TSPAN5: variants seen among roughly 807,000 people sequenced by gnomAD.
TSPAN5 encodes tetraspanin-5.
A neutral mutation model predicts 37.1 loss-of-function variants in TSPAN5; 10 were observed. The ratio of observed to expected loss-of-function variants is 0.27; its 90% CI spans 0.17 to 0.46. TSPAN5 has a LOEUF of 0.46. Ranked by LOEUF, TSPAN5 falls within the 20% of genes least tolerant of loss-of-function variation. The probability of loss-of-function intolerance (pLI) is 1.00; values close to 1 mark genes in which losing one functional copy is unlikely to be tolerated. For synonymous variants in TSPAN5, 110 were observed against 118.9 expected, an observed-to-expected ratio of 0.93 and a Z score of 0.48; for missense variants, 195 against 326.6, an observed-to-expected ratio of 0.60 and a Z score of 3.11.
intron 1 of TSPAN5, among the ~76,000 whole-genome samples, chr4:98,573,543 C>T (rs1755171697): frequency 6.6e-6 from 1 of 152,172 alleles, no homozygotes; most frequent in African/African-American, 2.4e-5. Flanking sequence ...AGCCGAAATA[C>T]CAACTTTTAA....
intron 7 of TSPAN5, among the ~76,000 whole-genome samples, chr4:98,473,452 ATT>A (rs35624650): frequency 6.0e-5 from 8 of 134,234 alleles, no homozygotes; most frequent in East Asian, 2.1e-4. Context: ...CTTATTAGCC[ATT>A]TTTTTTTTTT....
At chr4:98,503,595 G>A (rs1186703426) in intron 2 of TSPAN5, among the ~76,000 whole-genome samples, 4 of 152,300 alleles carry the variant, frequency 2.6e-5, no homozygotes, top group South Asian at 4.1e-4. Flanking sequence ...CCAACAGGAA[G>A]GGCAACCTAA....
intron 1 of TSPAN5, among the ~76,000 whole-genome samples, chr4:98,573,496 A>G (rs1418713253): frequency 6.6e-6 from 1 of 152,226 alleles, no homozygotes; most frequent in Non-Finnish European, 1.5e-5. Flanking sequence ...TTGGCCTCCC[A>G]AAGTTTTAGG....
chr4:98,553,472 G>GA (rs1368838993), intron 1 of TSPAN5, among the ~76,000 whole-genome samples: 2 of 152,002 alleles, frequency 1.3e-5, no homozygotes, highest in Non-Finnish European at 2.9e-5. Flanking sequence ...TGATAATGGG[G>GA]AAAAATGAGC....
intron 1 of TSPAN5, among the ~76,000 whole-genome samples, chr4:98,552,409 G>A (rs1410099143): frequency 1.3e-5 from 2 of 152,132 alleles, no homozygotes; most frequent in African/African-American, 4.8e-5. Context: ...TTTCATTCAA[G>A]GAATTATGCT....
At chr4:98,522,537 C>G (rs900731064) in intron 1 of TSPAN5, among the ~76,000 whole-genome samples, 3 of 152,204 alleles carry the variant, frequency 2.0e-5, no homozygotes, top group Admixed American at 2.0e-4. Context: ...AATAGTTGCA[C>G]TGAACTGACG....
chr4:98,624,262 A>T (rs1756542608), intron 1 of TSPAN5, among the ~76,000 whole-genome samples: 1 of 151,950 alleles, frequency 6.6e-6, no homozygotes. Context: ...TTGAAATACA[A>T]ACCTTTAAAA....
chr4:98,490,886 C>T (rs1753070051), intron 2 of TSPAN5, among the ~76,000 whole-genome samples: 1 of 151,970 alleles, frequency 6.6e-6, no homozygotes, highest in African/African-American at 2.4e-5. Flanking sequence ...TGGTGAAACC[C>T]CCCGTCTCTA....
At chr4:98,539,392 T>C (rs1754310580) in intron 1 of TSPAN5, among the ~76,000 whole-genome samples, 1 of 152,128 alleles carries the variant, frequency 6.6e-6, no homozygotes, top group African/African-American at 2.4e-5. Context: ...AAAACACAAA[T>C]GTCAGGACCA....
In TSPAN5 at chr4:98,592,749, C is replaced by A. The variant is rs1315562318; in HGVS notation, c.81+65397G>T. Among the ~76,000 whole-genome samples the A allele has an allele frequency of 3.3e-5, 5 of 150,904 alleles. No homozygotes were observed. In the East Asian group the frequency reaches 7.8e-4, roughly 24 times the overall value. ...GATGGTTTCCAATTTCATCCATGTC[C>A]CTACAAAGGATATGAACTCATCATT... On this transcript the variant is annotated intron_variant, in intron 1 of 7. Coordinates refer to ENST00000305798, the MANE Select transcript of TSPAN5 (RefSeq NM_005723.4).
chr4:98,565,975 A>C (rs933972309), intron 1 of TSPAN5, among the ~76,000 whole-genome samples: 6 of 152,218 alleles, frequency 3.9e-5, no homozygotes, highest in Non-Finnish European at 7.3e-5. Flanking sequence ...CAAGTGAACA[A>C]TCTAGAAGCC....
chr4:98,570,974 T>C (rs145356288), intron 1 of TSPAN5, among the ~76,000 whole-genome samples: 2 of 150,992 alleles, frequency 1.3e-5, no homozygotes, highest in African/African-American at 4.9e-5. Flanking sequence ...ATCGCGCCAC[T>C]ACGCTCCAAT....
rs189566130 is a variant in TSPAN5 at position 98,621,085 on chromosome 4, C to T, written c.81+37061G>A. Among the ~76,000 whole-genome samples, 24 of 152,084 alleles carry T rather than the reference C, an allele frequency of 1.6e-4. No individual in the cohort carries two copies. In the East Asian group the frequency reaches 4.1e-3, roughly 26 times the overall value. Reference sequence around the variant, plus strand: ...CCTTATAAAAAGACAAAATTTGGACCACAGACACACACACAAGGAGACCAC... The same window carrying T: ...CCTTATAAAAAGACAAAATTTGGACTACAGACACACACACAAGGAGACCAC... On this transcript the variant is annotated intron_variant, in intron 1 of 7. Transcript: ENST00000305798.
At chr4:98,583,902 A>C (rs1431539793) in intron 1 of TSPAN5, among the ~76,000 whole-genome samples, 2 of 152,112 alleles carry the variant, frequency 1.3e-5, no homozygotes, top group Non-Finnish European at 2.9e-5. Flanking sequence ...CTACACAGTC[A>C]ATGTAGGGTT....
At chr4:98,573,530 C>G (rs1224641295) in intron 1 of TSPAN5, among the ~76,000 whole-genome samples, 1 of 152,336 alleles carries the variant, frequency 6.6e-6, no homozygotes, top group African/African-American at 2.4e-5. Context: ...GCCACCATGG[C>G]CCAGCCGAAA....
At chr4:98,544,049 G>A (rs1347130164) in intron 1 of TSPAN5, among the ~76,000 whole-genome samples, 4 of 151,986 alleles carry the variant, frequency 2.6e-5, no homozygotes, top group African/African-American at 4.8e-5. Flanking sequence ...GTGTGGTAGT[G>A]CACGCCTGTA....
chr4:98,509,426 A>G (rs542327671), intron 1 of TSPAN5, among the ~76,000 whole-genome samples: 1 of 152,300 alleles, frequency 6.6e-6, no homozygotes, highest in South Asian at 2.1e-4. Context: ...ACAAAAGACA[A>G]TTAGCTGCTC....
intron 1 of TSPAN5, among the ~76,000 whole-genome samples, chr4:98,565,095 T>A (rs1044341068): frequency 6.6e-6 from 1 of 152,138 alleles, no homozygotes; most frequent in East Asian, 1.9e-4. Flanking sequence ...CAAACCTACT[T>A]CTCATGAACC....
chr4:98,526,365 G>A (rs1337249200), intron 1 of TSPAN5, among the ~76,000 whole-genome samples: 6 of 152,128 alleles, frequency 3.9e-5, no homozygotes, highest in Non-Finnish European at 8.8e-5. Flanking sequence ...GAGGCAACCC[G>A]CTCCCAAGGG....
Sources: allele counts gnomAD v4.1 joint callset (sites outside exome capture counted in the v4.1 genomes callset), GRCh38; gene constraint gnomAD v4.1.1; transcripts MANE v1.5; gene names NCBI Gene and HGNC (gene_info 2026-07-23, HGNC 2026-07-21).